The following PARPBP variants were observed in gnomAD, a reference collection of about 807,000 sequenced individuals.
PARPBP encodes PARP1 binding protein.
Under a neutral mutation model 50.0 loss-of-function variants are expected in PARPBP, and 52 were observed. That is an observed-to-expected ratio of 1.04 (90% CI 0.83 to 1.31). PARPBP has a LOEUF of 1.31. PARPBP is among the 50% of genes most tolerant of loss of function. The pLI, the probability that PARPBP is intolerant of heterozygous loss-of-function variation, is 0.00. For synonymous variants in PARPBP, 244 were observed against 232.1 expected, an observed-to-expected ratio of 1.05 and a Z score of -0.47; for missense variants, 697 against 672.0, an observed-to-expected ratio of 1.04 and a Z score of -0.41.
intron 2 of PARPBP, among the ~76,000 whole-genome samples, chr12:102,141,715 T>C (rs1884633848): frequency 6.6e-6 from 1 of 152,220 alleles, no homozygotes; most frequent in African/African-American, 2.4e-5. Context: ...TGCTTGTCTG[T>C]AAAGGATTTT....
At chr12:102,137,135 A>C (rs934074354) in intron 2 of PARPBP, among the ~76,000 whole-genome samples, 3 of 151,986 alleles carry the variant, frequency 2.0e-5, no homozygotes, top group Non-Finnish European at 4.4e-5. Context: ...TTGTATTTTT[A>C]GGAGAGACGG....
chr12:102,134,631 G>T (rs1214962698), intron 2 of PARPBP, among the ~76,000 whole-genome samples: 3 of 152,084 alleles, frequency 2.0e-5, no homozygotes, highest in South Asian at 2.1e-4. Flanking sequence ...TCTCCTCATA[G>T]ACTTTCTATT....
At chr12:102,178,514 C>T in intron 7 of PARPBP, 78 bp from the exon 8 acceptor site, 1 of 832,578 alleles carries the variant, frequency 1.2e-6, no homozygotes, top group Non-Finnish European at 1.8e-6. Flanking sequence ...AGGCCAGTGC[C>T]ACAGGGAATT....
chr12:102,123,316 G>A (rs1395178852), intron 1 of PARPBP, among the ~76,000 whole-genome samples: 2 of 152,102 alleles, frequency 1.3e-5, no homozygotes, highest in Non-Finnish European at 2.9e-5. Context: ...GAGCATTCAG[G>A]CCTATTGTAT....
At chr12:102,192,536 AGGTCT>A (rs1890890902) in intron 9 of PARPBP, among the ~76,000 whole-genome samples, 1 of 152,030 alleles carries the variant, frequency 6.6e-6, no homozygotes, top group Non-Finnish European at 1.5e-5. Context: ...TTAAATCTCT[AGGTCT>A]TTTACATATG....
In PARPBP at chr12:102,172,296, T is replaced by C. The variant is rs144143289; in HGVS notation, c.822-3187T>C. On this transcript the variant is annotated intron_variant, in intron 6 of 10. Coordinates refer to ENST00000327680, the MANE Select transcript of PARPBP (RefSeq NM_017915.5). ...GAAGCACTCCTGAATACCTCCTCCT[T>C]CTCTCTACTTCCCCACTCAAACTTG... 5.2e-3 allele frequency among the ~76,000 whole-genome samples: 791 copies of C among 152,350 alleles called. 22 individuals carry two copies. Among genetic ancestry groups the C allele is most frequent in the Admixed American group, 0.037 (573 of 15,302 alleles).
At chr12:102,180,159 T>G (rs1397110454) in intron 8 of PARPBP, among the ~76,000 whole-genome samples, 1 of 152,204 alleles carries the variant, frequency 6.6e-6, no homozygotes, top group Admixed American at 6.5e-5. Context: ...CCCAAATATT[T>G]TATTAACGAT....
At chr12:102,154,707 T>A (rs1474624321) in intron 4 of PARPBP, 1 of 374,482 alleles carries the variant, frequency 2.7e-6, no homozygotes, top group East Asian at 7.3e-5. Flanking sequence ...GAAATAAAAA[T>A]ATTTTACCCC....
Position 102,196,806 on chromosome 12 carries a change from A to G in PARPBP, c.*515A>G. 9.2e-7 allele frequency: 1 copy of G among 1,087,888 alleles called. No homozygotes were observed. The highest frequency in any genetic ancestry group is 1.4e-6 in the Non-Finnish European group (1 of 721,922). 67.4% of individuals were successfully genotyped at this position (1,087,888 alleles called of 1,614,324 possible). A position where few individuals can be genotyped will look rare whatever the true frequency, so the allele number is the denominator to read the frequency against. On this transcript the variant is annotated 3_prime_UTR_variant, in exon 11 of 11. Transcript: ENST00000327680. ...TAGTATAACTAATTCTGAGTAAACCAAAATGATAATAATTAATTGTTGCTA... is the reference window on the plus strand; with the variant it reads ...TAGTATAACTAATTCTGAGTAAACCGAAATGATAATAATTAATTGTTGCTA...
chr12:102,156,828 G>C (rs1177791933), intron 4 of PARPBP, among the ~76,000 whole-genome samples: 1 of 152,046 alleles, frequency 6.6e-6, no homozygotes, highest in African/African-American at 2.4e-5. Context: ...TTTTAGTAGA[G>C]ACCAGGTTTT....
chr12:102,195,030 C>T (rs1344052160), intron 9 of PARPBP, among the ~76,000 whole-genome samples: 2 of 151,158 alleles, frequency 1.3e-5, no homozygotes, highest in African/African-American at 2.4e-5. Flanking sequence ...TAACAAAGCC[C>T]TGCGAAGAGT....
chr12:102,195,594 TAAATC>T (rs1326147544), intron 10 of PARPBP, 147 bp downstream of exon 10: 1 of 615,594 alleles, frequency 1.6e-6, no homozygotes, highest in Non-Finnish European at 2.8e-6. Context: ...TTTAAAAAGT[TAAATC>T]TAAGTACAAA....
chr12:102,150,484 T>C (rs1302448375), intron 3 of PARPBP: 1 of 337,832 alleles, frequency 3.0e-6, no homozygotes, highest in Non-Finnish European at 5.7e-6. Context: ...GTAGGGATTA[T>C]GAGGAATTAA....
intron 2 of PARPBP, among the ~76,000 whole-genome samples, chr12:102,139,765 G>T (rs1884259630): frequency 6.6e-6 from 1 of 152,184 alleles, no homozygotes; most frequent in Non-Finnish European, 1.5e-5. Flanking sequence ...CTTTGGTTCT[G>T]TTTATATGAT....
intron 2 of PARPBP, among the ~76,000 whole-genome samples, chr12:102,148,002 C>G (rs959979737): frequency 6.6e-6 from 1 of 152,058 alleles, no homozygotes; most frequent in Non-Finnish European, 1.5e-5. Flanking sequence ...TTATCATGTG[C>G]AAACTTGCCT....
Position 102,197,160 on chromosome 12 carries a change from G to A in PARPBP, c.*869G>A, listed in dbSNP as rs752447323. 3 of 1,611,116 alleles carry A rather than the reference G, an allele frequency of 1.9e-6. No homozygotes were observed. The highest frequency in any genetic ancestry group is 1.3e-5 in the African/African-American group (1 of 74,814). Reference sequence around the variant, plus strand: ...GACCATGATTTAAGAAATTATGTTTGGAGCCTGTGTTCTGTAAAGAGAAGG... The same window carrying A: ...GACCATGATTTAAGAAATTATGTTTAGAGCCTGTGTTCTGTAAAGAGAAGG... On this transcript the variant is annotated 3_prime_UTR_variant, in exon 11 of 11. Coordinates refer to ENST00000327680, the MANE Select transcript of PARPBP (RefSeq NM_017915.5).
At chr12:102,177,233 C>A (rs1044983809) in intron 7 of PARPBP, among the ~76,000 whole-genome samples, 1 of 152,066 alleles carries the variant, frequency 6.6e-6, no homozygotes, top group South Asian at 2.1e-4. Context: ...AGAAAGAAGG[C>A]CAAGATGATA....
At position 102,178,714 on chromosome 12, in the gene PARPBP, A is replaced by C; in HGVS notation, c.1128A>C (p.Leu376Phe). ...NAPTKNKAEL[L>F]YDEENTIHHH... is the part of the protein sequence containing the mutation. ...CTACCAAAAACAAAGCAGAGCTTTT[A>C]TATGATGAGGAAAACACAATCCATC... The change falls in exon 8 of 11, where the codon TTA becomes TTC. Residue 376 changes from leucine to phenylalanine, a missense_variant. Physicochemically the swap from Leu to Phe is conservative, Grantham distance 22. Coordinates refer to ENST00000327680, the MANE Select transcript of PARPBP (RefSeq NM_017915.5). 6.2e-7 allele frequency: 1 copy of C among 1,613,540 alleles called. No individual in the cohort carries two copies. Among genetic ancestry groups the C allele is most frequent in the Non-Finnish European group, 8.5e-7 (1 of 1,179,692 alleles).
At chr12:102,121,699 A>G (rs1194199264) in intron 1 of PARPBP, among the ~76,000 whole-genome samples, 15 of 151,990 alleles carry the variant, frequency 9.9e-5, no homozygotes, top group African/African-American at 3.6e-4. Flanking sequence ...GGTTAGAGGC[A>G]CACACCACCA....
Sources: gnomAD v4.1 joint callset for allele counts (sites outside exome capture counted in the v4.1 genomes callset) on GRCh38, gnomAD v4.1.1 for gene constraint, MANE v1.5 for transcripts, NCBI Gene and HGNC (gene_info 2026-07-23, HGNC 2026-07-21) for gene names.